Variants in NCAPH observed in about 807,000 individuals in gnomAD.
NCAPH encodes the protein condensin complex subunit 2.
Under a neutral mutation model 85.5 loss-of-function variants are expected in NCAPH, and 38 were observed. That is an observed-to-expected ratio of 0.44 (90% CI 0.34 to 0.58). The LOEUF (loss-of-function observed/expected upper bound fraction) is 0.58, where lower values mean the gene tolerates loss of function less well. Among genes scored for constraint, NCAPH ranks in the 20% least tolerant of loss-of-function variants. The pLI is 0.01. For missense variants in NCAPH, 789 were observed against 916.6 expected (o/e 0.86, Z 1.80); for synonymous variants, 301 against 335.1 (o/e 0.90, Z 1.11).
intron 12 of NCAPH, 34 bp downstream of exon 12, chr2:96,360,744 A>G (rs1015627070): frequency 1.2e-6 from 2 of 1,612,778 alleles, no homozygotes; most frequent in East Asian, 4.5e-5. Flanking sequence ...TAAGCACACA[A>G]GGTATCAAGT....
In NCAPH at chr2:96,376,102, C is replaced by T. The variant is rs1001927128; in HGVS notation, c.*2751C>T. On this transcript the variant is annotated 3_prime_UTR_variant, in exon 18 of 18. Transcript: ENST00000240423. ...ATGTGTCCAGCTAAAAATTTGGGTT[C>T]TGTTAAGGTTAAAAGAAAATTTGAG... is the stretch of plus-strand genomic sequence containing the variant. Among the ~76,000 whole-genome samples, 7 of 152,168 alleles carry T rather than the reference C, an allele frequency of 4.6e-5. No individual in the cohort carries two copies. The highest frequency in any genetic ancestry group is 1.7e-4 in the African/African-American group (7 of 41,438).
Position 96,341,564 on chromosome 2 carries a change from C to T in NCAPH, c.20-78C>T, listed in dbSNP as rs573130231. The T allele has an allele frequency of 1.1e-5, 17 of 1,525,054 alleles. No individual in the cohort carries two copies. The South Asian group carries it at 2.1e-4, about 19-fold the overall frequency. 94.5% of individuals were successfully genotyped at this position (1,525,054 alleles called of 1,614,324 possible). On this transcript the variant is annotated intron_variant, in intron 1 of 17. Coordinates refer to ENST00000240423, the MANE Select transcript of NCAPH (RefSeq NM_015341.5). ...TGGACAGTGTGTGGTGAACCTCCAC[C>T]CCTGTGACAGGCTCAAGACTTCTTT...
intron 6 of NCAPH, among the ~76,000 whole-genome samples, chr2:96,348,019 G>A (rs1558792397): frequency 6.6e-6 from 1 of 152,136 alleles, no homozygotes; most frequent in Non-Finnish European, 1.5e-5. Context: ...GGTGATGTGT[G>A]TAGCATATCA....
In NCAPH at chr2:96,335,866, G is replaced by A; in HGVS notation, c.19+18G>A. On this transcript the variant is annotated intron_variant, in intron 1 of 17. Coordinates refer to ENST00000240423, the MANE Select transcript of NCAPH (RefSeq NM_015341.5). ...CGGCCCAGGTGAGCCGGGCGGTCGG[G>A]AGGCGCGGCGGGAAGGGCCCCTAGC... The A allele has an allele frequency of 6.8e-7, 1 of 1,472,892 alleles. No individual in the cohort carries two copies. The highest frequency in any genetic ancestry group is 9.0e-7 in the Non-Finnish European group (1 of 1,114,232). 91.2% of individuals were successfully genotyped at this position (1,472,892 alleles called of 1,614,324 possible).
Position 96,365,908 on chromosome 2 carries a change from C to T in NCAPH, c.1731C>T (p.Asp577=), listed in dbSNP as rs776442493. Residue 577 remains aspartate, a synonymous_variant, in exon 14 of 18, where the codon GAC becomes GAT. Coordinates refer to ENST00000240423, the MANE Select transcript of NCAPH (RefSeq NM_015341.5). ...AADSDDEDLD[D]LFVGPVGNSD... is the part of the protein sequence containing the mutation. ...ACAGTGATGATGAAGATTTGGATGA[C>T]TTATTTGTGGGACCTGTTGGGAACT... is the stretch of plus-strand genomic sequence containing the variant. The T allele has an allele frequency of 6.2e-7, 1 of 1,614,072 alleles. No individual in the cohort carries two copies. The highest frequency in any genetic ancestry group is 8.5e-7 in the Non-Finnish European group (1 of 1,180,054).
chr2:96,366,316 T>C (rs1573094979), intron 14 of NCAPH, among the ~76,000 whole-genome samples: 2 of 152,216 alleles, frequency 1.3e-5, no homozygotes, highest in East Asian at 3.8e-4. Context: ...GAATGAAGGC[T>C]GCAGGCAGAG....
At chr2:96,359,329 C>A in intron 10 of NCAPH, 136 bp downstream of exon 10, 1 of 1,120,956 alleles carries the variant, frequency 8.9e-7, no homozygotes, top group Non-Finnish European at 1.3e-6. Flanking sequence ...TACAGATGAG[C>A]CAGCCTCCTG....
chr2:96,346,961 C>T (rs921715738), intron 6 of NCAPH, among the ~76,000 whole-genome samples: 3 of 151,882 alleles, frequency 2.0e-5, no homozygotes, highest in African/African-American at 7.3e-5. Context: ...AAGAGCTACA[C>T]CAGGAATAAA....
Position 96,364,556 on chromosome 2 carries a change from C to G in NCAPH, c.1663C>G (p.Pro555Ala). The G allele has an allele frequency of 1.2e-6, 2 of 1,613,420 alleles. 1 individual carries two copies. The highest frequency in any genetic ancestry group is 2.2e-5 in the South Asian group (2 of 91,060). ...AATTGAAGACTATGATTACAACAAC[C>G]CTAACGACACCTCCAACTTTTGCCC... is the stretch of plus-strand genomic sequence containing the variant. ...EEIEDYDYNN[P>A]NDTSNFCPGL... The change falls in exon 13 of 18, where the codon CCT (proline) becomes GCT (alanine). Residue 555 changes from proline to alanine, a missense_variant. By Grantham distance (27) the Pro-to-Ala change is conservative (BLOSUM62 -1). Transcript: ENST00000240423.
At chr2:96,338,676 G>A (rs1229196310) in intron 1 of NCAPH, among the ~76,000 whole-genome samples, 1 of 152,158 alleles carries the variant, frequency 6.6e-6, no homozygotes, top group Non-Finnish European at 1.5e-5. Context: ...AGTGATGGGG[G>A]GACAGTGAGC....
chr2:96,352,156 T>C lies in NCAPH; in HGVS notation c.910+136T>C, dbSNP rs1455158649. 9.1e-6 allele frequency: 8 copies of C among 883,760 alleles called. No individual in the cohort carries two copies. The Admixed American group carries it at 2.0e-4, about 22-fold the overall frequency. 54.7% of individuals were successfully genotyped at this position (883,760 alleles called of 1,614,324 possible). The stretch of plus-strand genomic sequence containing the variant: ...AGAAGTTTCCTCTGGAATGCCAAAT[T>C]GTGTATCCTTTTGGGAGTGCCTTGC... On this transcript the variant is annotated intron_variant, in intron 7 of 17. Transcript: ENST00000240423.
chr2:96,336,791 C>T (rs1033513522), intron 1 of NCAPH, among the ~76,000 whole-genome samples: 3 of 152,120 alleles, frequency 2.0e-5, no homozygotes, highest in African/African-American at 7.2e-5. Context: ...ACCATAAAAC[C>T]ATGGGAACAG....
rs755878717 is a variant in NCAPH at position 96,367,280 on chromosome 2, T to C, written c.1905T>C (p.Tyr635=). The part of the protein sequence containing the change: ...PQKVNKIEIH[Y]AKTAKKMDMK... ...AGGTAAATAAAATTGAAATTCACTA[T>C]GCCAAGACTGCCAAAAAGATGGACA... The change falls in exon 15 of 18, where the codon TAT becomes TAC. Residue 635 remains tyrosine (Y), a synonymous_variant. Coordinates refer to ENST00000240423, the MANE Select transcript of NCAPH (RefSeq NM_015341.5). The C allele has an allele frequency of 6.2e-7, 1 of 1,612,962 alleles. No individual in the cohort carries two copies. Among genetic ancestry groups the C allele is most frequent in the East Asian group, 2.2e-5 (1 of 44,846 alleles).
Position 96,367,345 on chromosome 2 carries a change from C to T in NCAPH, c.1970C>T (p.Ala657Val), listed in dbSNP as rs201118479. 33 of 1,613,212 alleles carry T rather than the reference C, an allele frequency of 2.0e-5. No individual in the cohort carries two copies. The Admixed American group carries it at 2.3e-4, about 11-fold the overall frequency. The change falls in exon 15 of 18, where the codon GCG becomes GTG. Residue 657 changes from alanine (A) to valine (V), a missense_variant. By Grantham distance (64) the Ala-to-Val change is moderately conservative. Coordinates refer to ENST00000240423, the MANE Select transcript of NCAPH (RefSeq NM_015341.5). ...LKQSMWSLLT[A>V]LSGKEADAEA... ...CAGAGCATGTGGAGTCTGCTGACAG[C>T]GCTCTCCGGAAAGGAGGCAGATGCA...
Position 96,374,961 on chromosome 2 carries a change from C to T in NCAPH, c.*1610C>T, listed in dbSNP as rs1316508188. Among the ~76,000 whole-genome samples, 5 of 152,018 alleles carry T rather than the reference C, an allele frequency of 3.3e-5. No individual in the cohort carries two copies. Among genetic ancestry groups the T allele is most frequent in the South Asian group, 2.1e-4 (1 of 4,822 alleles). On this transcript the variant is annotated 3_prime_UTR_variant, in exon 18 of 18. Coordinates refer to ENST00000240423, the MANE Select transcript of NCAPH (RefSeq NM_015341.5). ...AGTGGCCCACACCTGTAAATCCTAG[C>T]GCTTTGAAAGGAAGAGGCAGGAGGA... is the stretch of plus-strand genomic sequence containing the variant.
At chr2:96,348,356 A>G (rs1311091658) in intron 6 of NCAPH, among the ~76,000 whole-genome samples, 1 of 151,616 alleles carries the variant, frequency 6.6e-6, no homozygotes, top group African/African-American at 2.4e-5. Context: ...TGCCCGGCTA[A>G]TTTTTTGTAT....
rs1030826423 is a variant in NCAPH at position 96,374,973 on chromosome 2, A to G, written c.*1622A>G. Among the ~76,000 whole-genome samples the G allele has an allele frequency of 6.6e-6, 1 of 152,106 alleles. No homozygotes were observed. The highest frequency in any genetic ancestry group is 2.1e-4 in the South Asian group (1 of 4,824). The stretch of plus-strand genomic sequence containing the variant: ...CTGTAAATCCTAGCGCTTTGAAAGG[A>G]AGAGGCAGGAGGATTGCTTGAAGTC... On this transcript the variant is annotated 3_prime_UTR_variant, in exon 18 of 18. Transcript: ENST00000240423.
chr2:96,340,540 G>A (rs989968748), intron 1 of NCAPH, among the ~76,000 whole-genome samples: 7 of 151,714 alleles, frequency 4.6e-5, no homozygotes, highest in African/African-American at 1.5e-4. Context: ...ACAGGCGCCC[G>A]CCCCCACGTC....
At chr2:96,346,568 C>T (rs1333316734) in intron 6 of NCAPH, among the ~76,000 whole-genome samples, 2 of 152,092 alleles carry the variant, frequency 1.3e-5, no homozygotes, top group Non-Finnish European at 2.9e-5. Context: ...GTTGCATTCA[C>T]TGCTTAGGGA....
Sources: allele counts gnomAD v4.1 joint callset (sites outside exome capture counted in the v4.1 genomes callset), GRCh38; gene constraint gnomAD v4.1.1; transcripts MANE v1.5; gene names NCBI Gene and HGNC (gene_info 2026-07-23, HGNC 2026-07-21).